The following PRR16 variants were observed in gnomAD, a reference collection of about 807,000 sequenced individuals.
The protein encoded by PRR16 is proline rich 16.
A neutral mutation model predicts 18.2 loss-of-function variants in PRR16; 6 were observed. That is an observed-to-expected ratio of 0.33 (90% CI 0.18 to 0.65). The LOEUF (loss-of-function observed/expected upper bound fraction) is 0.65. PRR16 is among the 30% of genes least tolerant of loss of function. PRR16 has a pLI of 0.74. For synonymous variants in PRR16, 151 were observed against 147.8 expected, an observed-to-expected ratio of 1.02 and a Z score of -0.16; for missense variants, 412 against 376.6, an observed-to-expected ratio of 1.09 and a Z score of -0.78.
chr5:120,638,763 G>A (rs72794324), intron 1 of PRR16, among the ~76,000 whole-genome samples: 15,182 of 151,968 alleles, frequency 0.1, 1,019 homozygotes, highest in South Asian at 0.13. Context: ...AGCCTATGGC[G>A]TGATGATTAT....
the PRR16 span, among the ~76,000 whole-genome samples, chr5:120,744,170 CTT>C: frequency 6.7e-6 from 1 of 148,570 alleles, no homozygotes; most frequent in African/African-American, 2.5e-5. Flanking sequence ...AAATTTGTCT[CTT>C]CAATCTGGGG....
At chr5:120,469,288 G>A (rs149163676) in intron 1 of PRR16, among the ~76,000 whole-genome samples, 7 of 152,102 alleles carry the variant, frequency 4.6e-5, no homozygotes, top group Non-Finnish European at 7.4e-5. Context: ...TAAAAAATTC[G>A]TTACAAGAAA....
At chr5:120,557,511 A>G (rs1752452778) in intron 1 of PRR16, among the ~76,000 whole-genome samples, 1 of 151,860 alleles carries the variant, frequency 6.6e-6, no homozygotes, top group Non-Finnish European at 1.5e-5. Context: ...TTAAACTTGC[A>G]CTGATGTGAT....
chr5:120,536,042 A>C (rs1751707224), intron 1 of PRR16, among the ~76,000 whole-genome samples: 1 of 152,216 alleles, frequency 6.6e-6, no homozygotes, highest in African/African-American at 2.4e-5. Context: ...TCTCATGTTT[A>C]GTCACTAACC....
intron 1 of PRR16, among the ~76,000 whole-genome samples, chr5:120,564,206 C>T (rs1752663278): frequency 6.6e-6 from 1 of 152,130 alleles, no homozygotes; most frequent in African/African-American, 2.4e-5. Context: ...AGCTGCAACG[C>T]CTTCGGTTGG....
At chr5:120,656,265 G>T (rs904009052) in intron 1 of PRR16, among the ~76,000 whole-genome samples, 1 of 151,850 alleles carries the variant, frequency 6.6e-6, no homozygotes, top group African/African-American at 2.4e-5. Context: ...AGTCAACTGA[G>T]TAGTTAGCTT....
chr5:120,733,285 G>A, the PRR16 span, among the ~76,000 whole-genome samples: 3 of 151,920 alleles, frequency 2.0e-5, no homozygotes, highest in East Asian at 1.9e-4. Context: ...TGAGTTGCTG[G>A]AACTACAGGA....
At chr5:120,521,863 A>C (rs1751192279) in intron 1 of PRR16, among the ~76,000 whole-genome samples, 1 of 151,432 alleles carries the variant, frequency 6.6e-6, no homozygotes. Flanking sequence ...GGTGTTCCCC[A>C]CCCTGTGTCC....
the PRR16 span, among the ~76,000 whole-genome samples, chr5:120,748,340 T>A: frequency 1.7e-4 from 26 of 152,138 alleles, no homozygotes; most frequent in Non-Finnish European, 2.6e-4. Flanking sequence ...TGCTTTACTT[T>A]TGACAAACTA....
At chr5:120,570,016 T>C (rs777667776) in intron 1 of PRR16, among the ~76,000 whole-genome samples, 70 of 152,320 alleles carry the variant, frequency 4.6e-4, no homozygotes, top group Admixed American at 1.2e-3. Context: ...ATCCTCCAGA[T>C]GTGACCAGGA....
intron 1 of PRR16, among the ~76,000 whole-genome samples, chr5:120,477,942 G>A (rs190338378): frequency 3.7e-4 from 57 of 152,290 alleles, no homozygotes; most frequent in Non-Finnish European, 6.8e-4. Context: ...TCCACATGTT[G>A]CTGAATGCTG....
At chr5:120,758,112 C>T in the PRR16 span, among the ~76,000 whole-genome samples, 1 of 151,900 alleles carries the variant, frequency 6.6e-6, no homozygotes, top group Non-Finnish European at 1.5e-5. Flanking sequence ...ACTATTTTTT[C>T]ACTGTAGGTA....
At chr5:120,639,684 T>C (rs1252796213) in intron 1 of PRR16, among the ~76,000 whole-genome samples, 3 of 151,788 alleles carry the variant, frequency 2.0e-5, no homozygotes, top group Non-Finnish European at 4.4e-5. Flanking sequence ...ACCTCTACAC[T>C]GTTGATGGGA....
the PRR16 span, among the ~76,000 whole-genome samples, chr5:120,774,660 C>A: frequency 6.6e-6 from 1 of 151,864 alleles, no homozygotes; most frequent in African/African-American, 2.4e-5. Context: ...GAGAAATTCC[C>A]TATTAGTACT....
chr5:120,501,616 T>C (rs1057423843), intron 1 of PRR16, among the ~76,000 whole-genome samples: 30 of 152,244 alleles, frequency 2.0e-4, no homozygotes, highest in African/African-American at 6.7e-4. Context: ...ATGTCATTCA[T>C]AGAAATGAGT....
chr5:120,626,662 G>A (rs963968842), intron 1 of PRR16, among the ~76,000 whole-genome samples: 3 of 152,030 alleles, frequency 2.0e-5, no homozygotes, highest in Admixed American at 1.3e-4. Flanking sequence ...TTGGATCATG[G>A]CCCAGAAGTA....
chr5:120,628,693 ACCATCTATCTAT>A lies in PRR16; in HGVS notation c.160-57259_160-57248del, dbSNP rs1161069247. 2.4e-4 allele frequency among the ~76,000 whole-genome samples: 32 copies of A among 130,696 alleles called. 1 individual carries two copies. Among genetic ancestry groups the A allele is most frequent in the South Asian group, 1.5e-3 (6 of 3,886 alleles). The allele number at this position is 130,696 out of a possible 152,430, so 85.7% of individuals were successfully genotyped here. ...TATCTATCTATCTATCTATCATTCTACCATCTATCTATCTATCTATCTATCTATCTATCTATC... is the reference window on the plus strand; with the variant it reads ...TATCTATCTATCTATCTATCATTCTACTATCTATCTATCTATCTATCTATC... On this transcript the variant is annotated intron_variant, in intron 1 of 1. Coordinates refer to ENST00000407149, the MANE Select transcript of PRR16 (RefSeq NM_001300783.2).
intron 1 of PRR16, among the ~76,000 whole-genome samples, chr5:120,467,149 A>G (rs375341930): frequency 3.6e-4 from 55 of 152,270 alleles, no homozygotes; most frequent in African/African-American, 1.3e-3. Context: ...GTACATTACA[A>G]AGCTTGTTGG....
At chr5:120,715,039 A>T in the PRR16 span, among the ~76,000 whole-genome samples, 4 of 152,016 alleles carry the variant, frequency 2.6e-5, no homozygotes, top group Non-Finnish European at 4.4e-5. Flanking sequence ...TAGGTGCAGC[A>T]AACCACCATG....
Sources: allele counts gnomAD v4.1 joint callset (sites outside exome capture counted in the v4.1 genomes callset), GRCh38; gene constraint gnomAD v4.1.1; transcripts MANE v1.5; gene names NCBI Gene and HGNC (gene_info 2026-07-23, HGNC 2026-07-21).